The following CASD1 variants were observed in gnomAD, a reference collection of about 807,000 sequenced individuals.
The protein encoded by CASD1 is N-acetylneuraminate (7)9-O-acetyltransferase.
Under a neutral mutation model 100.0 loss-of-function variants are expected in CASD1, and 41 were observed. The observed-to-expected ratio is 0.41, with a 90% confidence interval of 0.32 to 0.53. The LOEUF is 0.53. Ranked by LOEUF, CASD1 falls within the 20% of genes least tolerant of loss-of-function variation. The pLI is 0.25. For synonymous variants in CASD1, 321 were observed against 315.6 expected (o/e 1.02, Z -0.18); for missense variants, 774 against 948.7 (o/e 0.82, Z 2.42).
At chr7:94,599,257 C>A in the CASD1 span, 1 of 305,162 alleles carries the variant, frequency 3.3e-6, no homozygotes, top group Non-Finnish European at 6.0e-6. Flanking sequence ...TATTTATTTT[C>A]TATGATTTAA....
At chr7:94,516,327 A>G (rs1793976465) in intron 1 of CASD1, among the ~76,000 whole-genome samples, 1 of 152,136 alleles carries the variant, frequency 6.6e-6, no homozygotes, top group South Asian at 2.1e-4. Context: ...ATATTTATGC[A>G]TACTTGTCTT....
At chr7:94,610,739 A>T in the CASD1 span, among the ~76,000 whole-genome samples, 2 of 152,202 alleles carry the variant, frequency 1.3e-5, no homozygotes, top group African/African-American at 4.8e-5. Context: ...GGAGAAAATA[A>T]CTGCAAATCA....
chr7:94,632,261 A>T, the CASD1 span, among the ~76,000 whole-genome samples: 1 of 152,020 alleles, frequency 6.6e-6, no homozygotes, highest in African/African-American at 2.4e-5. Flanking sequence ...TGCCCTCCAC[A>T]GGTCCTGAAG....
At chr7:94,571,890 A>C in the CASD1 span, among the ~76,000 whole-genome samples, 1 of 152,002 alleles carries the variant, frequency 6.6e-6, no homozygotes, top group Non-Finnish European at 1.5e-5. Context: ...AAAAATGGTC[A>C]GAAGATGAAG....
At chr7:94,598,948 A>G in the CASD1 span, 1 of 1,613,694 alleles carries the variant, frequency 6.2e-7, no homozygotes. Context: ...TAGCACTGTG[A>G]TGGACCAGTT....
chr7:94,542,018 G>C (rs1795428276), intron 10 of CASD1, among the ~76,000 whole-genome samples: 1 of 152,080 alleles, frequency 6.6e-6, no homozygotes, highest in African/African-American at 2.4e-5. Context: ...GTTGCAATAG[G>C]CCAACATTGG....
the CASD1 span, among the ~76,000 whole-genome samples, chr7:94,562,858 C>A: frequency 3.9e-5 from 6 of 152,108 alleles, no homozygotes; most frequent in African/African-American, 1.2e-4. Context: ...CATTTTAGAC[C>A]AGGTGGTCTC....
At chr7:94,602,200 C>G in the CASD1 span, among the ~76,000 whole-genome samples, 1 of 151,962 alleles carries the variant, frequency 6.6e-6, no homozygotes, top group Non-Finnish European at 1.5e-5. Context: ...TCTCCTGCAC[C>G]CTTGTATCGT....
At chr7:94,624,318 T>C in the CASD1 span, 1 of 397,684 alleles carries the variant, frequency 2.5e-6, no homozygotes, top group Non-Finnish European at 4.4e-6. Context: ...TTAAAACAAA[T>C]ATCAAAGATT....
chr7:94,604,189 G>A, the CASD1 span, among the ~76,000 whole-genome samples: 4 of 152,124 alleles, frequency 2.6e-5, no homozygotes, highest in South Asian at 8.3e-4. Context: ...AAATAATCTT[G>A]GAGCAGCTTG....
At chr7:94,619,196 G>A in the CASD1 span, 1 of 417,922 alleles carries the variant, frequency 2.4e-6, no homozygotes. Flanking sequence ...GGCTCATCAG[G>A]GCAATTTATA....
intron 12 of CASD1, among the ~76,000 whole-genome samples, chr7:94,546,187 TG>T (rs1795669299): frequency 6.6e-6 from 1 of 151,976 alleles, no homozygotes; most frequent in Admixed American, 6.6e-5. Context: ...ACTAATATAA[TG>T]TATTTTCTAG....
chr7:94,598,960 G>A, the CASD1 span: 1 of 1,612,612 alleles, frequency 6.2e-7, no homozygotes, highest in South Asian at 1.1e-5. Flanking sequence ...GGACCAGTTG[G>A]ATGCTAGGTC....
At chr7:94,633,724 A>C in the CASD1 span, among the ~76,000 whole-genome samples, 25 of 152,192 alleles carry the variant, frequency 1.6e-4, no homozygotes, top group Non-Finnish European at 3.5e-4. Context: ...ATGGGTGTGC[A>C]CGTGTGCTTA....
At position 94,555,838 on chromosome 7, in the gene CASD1, T is replaced by G; in HGVS notation, c.*80T>G. On this transcript the variant is annotated 3_prime_UTR_variant, in exon 18 of 18. Coordinates refer to ENST00000297273, the MANE Select transcript of CASD1 (RefSeq NM_022900.5). ...GAAGAGAAAAGCATCTATCTGGAGA[T>G]ATAAATGTGTATGTAAATATAAACG... 1 of 1,347,798 alleles carries G rather than the reference T, an allele frequency of 7.4e-7. No individual in the cohort carries two copies. The highest frequency in any genetic ancestry group is 1.0e-6 in the Non-Finnish European group (1 of 988,522). 83.5% of individuals were successfully genotyped at this position (1,347,798 alleles called of 1,614,324 possible). A position where few individuals can be genotyped will look rare whatever the true frequency, so the allele number is the denominator to read the frequency against.
the CASD1 span, chr7:94,619,757 CACA>C: frequency 6.6e-6 from 1 of 152,162 alleles, no homozygotes; most frequent in Non-Finnish European, 1.5e-5. Context: ...ATTTAATTCT[CACA>C]ACAAGAGGGT....
chr7:94,576,335 C>A, the CASD1 span, among the ~76,000 whole-genome samples: 2 of 152,176 alleles, frequency 1.3e-5, no homozygotes, highest in Admixed American at 1.3e-4. Context: ...TATCTTCAGG[C>A]CTGGCCATTG....
At chr7:94,565,870 A>G in the CASD1 span, among the ~76,000 whole-genome samples, 1 of 152,200 alleles carries the variant, frequency 6.6e-6, no homozygotes. Context: ...GTGAAGGATA[A>G]AGGGGAAAGG....
chr7:94,551,514 A>G, intron 15 of CASD1, 36 bp downstream of exon 15: 1 of 1,020,970 alleles, frequency 9.8e-7, no homozygotes, highest in Non-Finnish European at 1.3e-6. Context: ...TCTAAATGGT[A>G]TGGAATATTA....
Sources: gnomAD v4.1 joint callset for allele counts (sites outside exome capture counted in the v4.1 genomes callset) on GRCh38, gnomAD v4.1.1 for gene constraint, MANE v1.5 for transcripts, NCBI Gene and HGNC (gene_info 2026-07-23, HGNC 2026-07-21) for gene names.